TANC2: variants seen among roughly 807,000 people sequenced by gnomAD.
TANC2 encodes the protein protein TANC2.
In TANC2, 26 loss-of-function variants were observed where a neutral mutation model predicts 210.5. The observed-to-expected ratio is 0.12, with a 90% confidence interval of 0.09 to 0.17. The LOEUF (loss-of-function observed/expected upper bound fraction) is 0.17, where lower values mean the gene tolerates loss of function less well. Ranked by LOEUF, TANC2 falls within the 10% of genes least tolerant of loss-of-function variation. The probability of loss-of-function intolerance (pLI) is 1.00; values close to 1 mark genes in which losing one functional copy is unlikely to be tolerated. For missense variants in TANC2, 2,129 were observed against 2,608.9 expected (o/e 0.82, Z 4.01); for synonymous variants, 931 against 967.1 (o/e 0.96, Z 0.69).
chr17:63,000,760 G>A (rs1403754257), intron 1 of TANC2, among the ~76,000 whole-genome samples: 1 of 152,108 alleles, frequency 6.6e-6, no homozygotes, highest in Non-Finnish European at 1.5e-5. Flanking sequence ...GTAAAATTTA[G>A]ATTTACATTA....
rs750818315 is a variant in TANC2, at chr17:63,420,888, G to A, written c.5158G>A (p.Val1720Ile). The change falls in exon 28 of 28, where the codon GTA becomes ATA. Residue 1720 changes from valine to isoleucine, a missense_variant. Val to Ile is a conservative substitution (Grantham distance 29, BLOSUM62 3). Around this residue, in one of 5 missense-constraint regions of TANC2, gnomAD observed 584 missense variants for 627.3 expected, o/e 0.93. Coordinates refer to ENST00000689528, the Ensembl canonical transcript of TANC2. This position sits in a 1 kb window ranked among gnomAD's most constrained non-coding sequence, Gnocchi z 4.2. ...CATCCCCACAGGAGCCTATGGCCAA[G>A]TAGCCCATTCAATGGCCAGTAAATA... 1.2e-6 allele frequency: 2 copies of A among 1,614,030 alleles called. No individual in the cohort carries two copies. The highest frequency in any genetic ancestry group is 1.7e-6 in the Non-Finnish European group (2 of 1,179,892).
chr17:63,135,830 A>G (rs147021340), intron 4 of TANC2, among the ~76,000 whole-genome samples: 7 of 152,286 alleles, frequency 4.6e-5, no homozygotes, highest in African/African-American at 1.7e-4. Flanking sequence ...ACTCCTTTTT[A>G]TATTGTCAAA....
intron 11 of TANC2, chr17:63,331,868 G>GTGTC: frequency 5.4e-6 from 1 of 186,910 alleles, no homozygotes; most frequent in Admixed American, 8.5e-5. Flanking sequence ...GTGTGTGTGT[G>GTGTC]TGTGTGTGTG....
chr17:63,000,589 G>A (rs752050842), intron 1 of TANC2, among the ~76,000 whole-genome samples: 2 of 152,120 alleles, frequency 1.3e-5, no homozygotes, highest in African/African-American at 2.4e-5. Flanking sequence ...ATAACATAAT[G>A]TTCAAATCAG....
chr17:63,265,194 T>A (rs1367128898), intron 8 of TANC2, among the ~76,000 whole-genome samples: 1 of 152,234 alleles, frequency 6.6e-6, no homozygotes, highest in African/African-American at 2.4e-5. Flanking sequence ...TTTTGAGTGC[T>A]GACCTGATGC....
chr17:63,319,048 G>A, exon 11 of TANC2: 1 of 1,613,664 alleles, frequency 6.2e-7, no homozygotes, highest in Non-Finnish European at 8.5e-7. Context: ...CTCCGGAAAT[G>A]CGCAGGCGGC....
rs199734433 is a variant in TANC2 at position 63,420,769 on chromosome 17, T to A, written c.5039T>A (p.Val1680Glu). 22 of 1,613,890 alleles carry A rather than the reference T, an allele frequency of 1.4e-5. No homozygotes were observed. Among genetic ancestry groups the A allele is most frequent in the Non-Finnish European group, 1.9e-5 (22 of 1,179,904 alleles). Residue 1680 changes from valine to glutamate, a missense_variant, in exon 28 of 28, where the codon GTG (valine) becomes GAG (glutamate). Val to Glu is a moderately radical substitution (Grantham distance 121, BLOSUM62 -2). Around this residue, in one of 5 missense-constraint regions of TANC2, gnomAD observed 584 missense variants for 627.3 expected, o/e 0.93. Transcript: ENST00000689528. This position sits in a 1 kb window ranked among gnomAD's most constrained non-coding sequence, Gnocchi z 4.2. Reference sequence around the variant, plus strand: ...CCCTACCAGATGCCTCAGCTCCCTGTGGCAGTTCCCCAGCAAGGGCTCAGG... The same window carrying A: ...CCCTACCAGATGCCTCAGCTCCCTGAGGCAGTTCCCCAGCAAGGGCTCAGG...
intron 4 of TANC2, among the ~76,000 whole-genome samples, chr17:63,137,177 G>A (rs1488779548): frequency 6.6e-6 from 1 of 152,048 alleles, no homozygotes; most frequent in African/African-American, 2.4e-5. Context: ...CACATTAGTA[G>A]TAAGGCTAAA....
At chr17:63,332,308 G>T in intron 11 of TANC2, 1 of 329,776 alleles carries the variant, frequency 3.0e-6, no homozygotes, top group Non-Finnish European at 6.0e-6. Flanking sequence ...CCCTTCCCCT[G>T]CTATTCCTTG....
At chr17:63,322,972 C>CGT (rs1567914282) in intron 11 of TANC2, among the ~76,000 whole-genome samples, 1 of 152,094 alleles carries the variant, frequency 6.6e-6, no homozygotes, top group Admixed American at 6.5e-5. Flanking sequence ...GACATGGAAT[C>CGT]CTGTTCAGCT....
rs772213536 is a variant in TANC2, at chr17:63,388,724, G to A, written c.2781G>A (p.Ala927=). The change falls in exon 16 of 28, where the codon GCG becomes GCA. Residue 927 remains alanine, a synonymous_variant. Coordinates refer to ENST00000689528, the Ensembl canonical transcript of TANC2. ...CAGAAGGTCTTTCCATGGCACTGGC[G>A]TCTTTACGAAATCTCTACACTCCAA... is the stretch of plus-strand genomic sequence containing the variant. The A allele has an allele frequency of 6.1e-5, 96 of 1,582,798 alleles. No individual in the cohort carries two copies. The Admixed American group carries it at 7.7e-4, about 13-fold the overall frequency.
At chr17:63,209,163 C>A (rs2041810230) in intron 7 of TANC2, among the ~76,000 whole-genome samples, 1 of 152,028 alleles carries the variant, frequency 6.6e-6, no homozygotes, top group African/African-American at 2.4e-5. Flanking sequence ...GCGCATGCCA[C>A]CACACCCAGC....
chr17:63,421,901 AG>A lies in TANC2; in HGVS notation c.6174del (p.Gln2059ArgfsTer132). The A allele has an allele frequency of 6.2e-7, 1 of 1,613,960 alleles. No homozygotes were observed. The highest frequency in any genetic ancestry group is 8.5e-7 in the Non-Finnish European group (1 of 1,179,840). ...GGCAGCTGTCCCGAGACTCTCGGCA[AG>A]GGCAGACATCCCCTATCAAACCAAA... On this transcript the variant is annotated frameshift_variant, in exon 28 of 28. Coordinates refer to ENST00000689528, the Ensembl canonical transcript of TANC2. LOFTEE classifies it high-confidence loss of function. This position sits in a 1 kb window ranked among gnomAD's most constrained non-coding sequence, Gnocchi z 6.9.
Position 63,412,257 on chromosome 17 carries a change from C to A in TANC2, c.3898+127C>A. ...CCTCCTCCCTGGCCCAATTATTGTC[C>A]AAGTGAACAGAGAGGCTCTTGGCCC... is the stretch of plus-strand genomic sequence containing the variant. On this transcript the variant is annotated intron_variant, in intron 23 of 27. Transcript: ENST00000689528. This position sits in a 1 kb window ranked among gnomAD's most constrained non-coding sequence, Gnocchi z 4.2. The A allele has an allele frequency of 3.0e-6, 4 of 1,342,906 alleles. No homozygotes were observed. The highest frequency in any genetic ancestry group is 3.1e-6 in the Non-Finnish European group (3 of 981,652). 83.2% of individuals were successfully genotyped at this position (1,342,906 alleles called of 1,614,324 possible). A position where few individuals can be genotyped will look rare whatever the true frequency, so the allele number is the denominator to read the frequency against.
chr17:63,271,608 GC>G lies in TANC2; in HGVS notation c.1159+3743del, dbSNP rs372980781. 2.1e-4 allele frequency among the ~76,000 whole-genome samples: 27 copies of G among 127,112 alleles called. 1 individual carries two copies. Among genetic ancestry groups the G allele is most frequent in the South Asian group, 8.0e-4 (3 of 3,768 alleles). The allele number at this position is 127,112 out of a possible 152,430, so 83.4% of individuals were successfully genotyped here. On this transcript the variant is annotated intron_variant, in intron 9 of 27. Transcript: ENST00000689528. ...TTATCCTAATGCTGTTCCCACCCTT[GC>G]CCCCCCCATCCCCCAACAGGCCCCA...
In TANC2 at chr17:63,278,016, T is replaced by C. The variant is rs117701043; in HGVS notation, c.1159+10143T>C. Among the ~76,000 whole-genome samples the C allele has an allele frequency of 1.3e-3, 190 of 151,970 alleles. 4 individuals carry two copies. In the East Asian group the frequency reaches 0.029, roughly 23 times the overall value. On this transcript the variant is annotated intron_variant, in intron 9 of 27. Coordinates refer to ENST00000689528, the Ensembl canonical transcript of TANC2. ...GTGAGACCTGTCTTTACAAAAACTT[T>C]AAAAATTAGCCATGCACGGTGGTAC...
At chr17:63,243,952 A>T (rs1241549484) in intron 8 of TANC2, among the ~76,000 whole-genome samples, 1 of 152,168 alleles carries the variant, frequency 6.6e-6, no homozygotes, top group Non-Finnish European at 1.5e-5. Context: ...ACTGAAGAAA[A>T]ATGCATGCCT....
exon 28 of TANC2, chr17:63,422,562 G>T (rs2049052812): frequency 6.6e-6 from 1 of 152,258 alleles, no homozygotes; most frequent in African/African-American, 2.4e-5. Context: ...TGCTAAATTG[G>T]AAGAAAACCC....
chr17:63,004,591 T>TAAAA, intron 1 of TANC2: 1 of 133,290 alleles, frequency 7.5e-6, no homozygotes, highest in East Asian at 1.6e-4. Context: ...CAGCATAGCT[T>TAAAA]TAAAAAAAAA....
Sources: allele counts gnomAD v4.1 joint callset (sites outside exome capture counted in the v4.1 genomes callset), GRCh38; gene constraint gnomAD v4.1.1; regional missense constraint gnomAD v4.1.1; non-coding constraint Gnocchi (gnomAD v3.1); transcripts MANE v1.5; gene names NCBI Gene and HGNC (gene_info 2026-07-23, HGNC 2026-07-21).